CENPW: variants seen among roughly 807,000 people sequenced by gnomAD.
CENPW encodes centromere protein W, also known as cancer-up-regulated gene 2 protein.
In CENPW, 3 loss-of-function variants were observed where a neutral mutation model predicts 11.1. The observed-to-expected ratio is 0.27, with a 90% CI of 0.12 to 0.70. CENPW has a LOEUF of 0.70. Among genes scored for constraint, CENPW ranks in the 30% least tolerant of loss-of-function variants. The pLI, the probability that CENPW is intolerant of heterozygous loss-of-function variation, is 0.77. For missense variants in CENPW, 100 were observed against 105.6 expected (o/e 0.95, Z 0.23); for synonymous variants, 38 against 42.0 (o/e 0.91, Z 0.37).
chr6:126,356,821 C>T, the CENPW span, among the ~76,000 whole-genome samples: 202 of 152,086 alleles, frequency 1.3e-3, no homozygotes, highest in Non-Finnish European at 6.2e-4. Flanking sequence ...TTTATAGAGT[C>T]TAGATATTAA....
At chr6:126,469,783 C>T in the CENPW span, among the ~76,000 whole-genome samples, 1 of 152,102 alleles carries the variant, frequency 6.6e-6, no homozygotes, top group South Asian at 2.1e-4. Context: ...AAGAGAATGG[C>T]AGCATTTTGC....
At chr6:126,472,008 C>G in the CENPW span, among the ~76,000 whole-genome samples, 2 of 152,042 alleles carry the variant, frequency 1.3e-5, no homozygotes, top group East Asian at 1.9e-4. Context: ...TTTAAAATAA[C>G]TATTAATAGT....
chr6:126,407,619 T>C, the CENPW span, among the ~76,000 whole-genome samples: 1 of 152,318 alleles, frequency 6.6e-6, no homozygotes, highest in Non-Finnish European at 1.5e-5. Context: ...TTTTTAATAA[T>C]TGCCATTCTG....
chr6:126,472,150 T>G, the CENPW span, among the ~76,000 whole-genome samples: 1 of 152,196 alleles, frequency 6.6e-6, no homozygotes, highest in African/African-American at 2.4e-5. Flanking sequence ...TTTAAAGCTC[T>G]TTAGTATGTT....
chr6:126,389,032 G>A, the CENPW span, among the ~76,000 whole-genome samples: 1 of 151,380 alleles, frequency 6.6e-6, no homozygotes, highest in East Asian at 1.9e-4. Flanking sequence ...ATCTCATTCT[G>A]TTTCCTAATT....
chr6:126,456,101 G>A, the CENPW span, among the ~76,000 whole-genome samples: 20 of 151,336 alleles, frequency 1.3e-4, no homozygotes, highest in African/African-American at 4.8e-4. Flanking sequence ...CTCATGGATA[G>A]AATCAATATT....
At chr6:126,475,417 T>A in the CENPW span, among the ~76,000 whole-genome samples, 907 of 152,102 alleles carry the variant, frequency 6.0e-3, 9 homozygotes, top group Non-Finnish European at 7.2e-3. Context: ...TTAAAAAAAA[T>A]TTTTAAATAA....
At chr6:126,460,599 T>C in the CENPW span, among the ~76,000 whole-genome samples, 1 of 151,782 alleles carries the variant, frequency 6.6e-6, no homozygotes, top group Non-Finnish European at 1.5e-5. Flanking sequence ...TGTCCATGTT[T>C]TTCTACTTAC....
At chr6:126,386,230 A>T in the CENPW span, among the ~76,000 whole-genome samples, 121 of 152,158 alleles carry the variant, frequency 8.0e-4, 1 homozygote, top group African/African-American at 2.8e-3. Context: ...CAGGTAGGAA[A>T]CAAAGGCTAC....
chr6:126,469,195 G>C, the CENPW span, among the ~76,000 whole-genome samples: 3 of 152,152 alleles, frequency 2.0e-5, no homozygotes, highest in African/African-American at 7.2e-5. Flanking sequence ...GGAGAGACCT[G>C]GTGGGAGATG....
At chr6:126,396,652 T>C in the CENPW span, among the ~76,000 whole-genome samples, 2 of 152,198 alleles carry the variant, frequency 1.3e-5, no homozygotes, top group African/African-American at 4.8e-5. Context: ...TAGTTGGGAA[T>C]GTGCTGGATC....
At chr6:126,431,597 T>G in the CENPW span, among the ~76,000 whole-genome samples, 2 of 152,220 alleles carry the variant, frequency 1.3e-5, no homozygotes, top group South Asian at 4.1e-4. Flanking sequence ...TCCGTTATTA[T>G]GAAATTCTAA....
At chr6:126,422,360 A>G in the CENPW span, among the ~76,000 whole-genome samples, 1 of 152,092 alleles carries the variant, frequency 6.6e-6, no homozygotes, top group African/African-American at 2.4e-5. Flanking sequence ...TAATTTTCTC[A>G]TAGTTCTGGA....
At chr6:126,384,691 A>T in the CENPW span, among the ~76,000 whole-genome samples, 1 of 152,274 alleles carries the variant, frequency 6.6e-6, no homozygotes, top group Non-Finnish European at 1.5e-5. Context: ...TCTAGGCAAT[A>T]CCATTCTGGA....
intron 1 of CENPW, 46 bp downstream of exon 1, chr6:126,340,445 G>A: frequency 6.2e-7 from 1 of 1,613,976 alleles, no homozygotes; most frequent in East Asian, 2.2e-5. Flanking sequence ...CACGGGAGAG[G>A]TAAGGGCAAT....
downstream of CENPW, among the ~76,000 whole-genome samples, chr6:126,351,891 G>A (rs1446415672): frequency 6.6e-6 from 1 of 151,928 alleles, no homozygotes; most frequent in Non-Finnish European, 1.5e-5. Flanking sequence ...AATCAATATA[G>A]CACCTTGTGG....
chr6:126,376,104 G>T, the CENPW span, among the ~76,000 whole-genome samples: 1 of 152,048 alleles, frequency 6.6e-6, no homozygotes, highest in African/African-American at 2.4e-5. Flanking sequence ...TTTTTATTTG[G>T]CTGTGCCTTA....
chr6:126,374,204 A>G, the CENPW span, among the ~76,000 whole-genome samples: 5 of 152,178 alleles, frequency 3.3e-5, no homozygotes, highest in Admixed American at 2.0e-4. Flanking sequence ...AAAAATTAAT[A>G]GTTTATCAGA....
chr6:126,400,532 T>C, the CENPW span, among the ~76,000 whole-genome samples: 27 of 152,068 alleles, frequency 1.8e-4, no homozygotes, highest in African/African-American at 6.3e-4. Context: ...TTGGTATTTA[T>C]CCTGTATGTT....
Sources: gnomAD v4.1 joint callset for allele counts (sites outside exome capture counted in the v4.1 genomes callset) on GRCh38, gnomAD v4.1.1 for gene constraint, MANE v1.5 for transcripts, NCBI Gene and HGNC (gene_info 2026-07-23, HGNC 2026-07-21) for gene names.